Variants in CACNA1E observed in about 807,000 individuals in gnomAD.
The protein encoded by CACNA1E is voltage-dependent R-type calcium channel subunit alpha-1E.
In CACNA1E, 40 loss-of-function variants were observed where a neutral mutation model predicts 259.2. The ratio of observed to expected loss-of-function variants is 0.15; its 90% CI spans 0.12 to 0.20. CACNA1E has a LOEUF of 0.20. Among genes scored for constraint, CACNA1E ranks in the 10% least tolerant of loss-of-function variants. CACNA1E has a pLI of 1.00. For synonymous variants in CACNA1E, 1,104 were observed against 1,138.5 expected, an observed-to-expected ratio of 0.97 and a Z score of 0.61; for missense variants, 1,874 against 3,040.1, an observed-to-expected ratio of 0.62 and a Z score of 9.02.
chr1:181,478,473 T>G (rs1663009330), intron 2 of CACNA1E, among the ~76,000 whole-genome samples: 1 of 152,264 alleles, frequency 6.6e-6, no homozygotes, highest in Admixed American at 6.5e-5. Context: ...GCACATGGTC[T>G]CCTGCCAACT....
At chr1:181,339,160 A>G (rs1336665375) in intron 1 of CACNA1E, among the ~76,000 whole-genome samples, 1 of 152,160 alleles carries the variant, frequency 6.6e-6, no homozygotes, top group African/African-American at 2.4e-5. Context: ...ATATGATTCC[A>G]TACAGATTTT....
In CACNA1E at chr1:181,733,574, G is replaced by A. The variant is rs772739388; in HGVS notation, c.3086G>A (p.Ser1029Asn). Residue 1029 changes from serine to asparagine, a missense_variant, in exon 21 of 48, where the codon AGC becomes AAC. By Grantham distance (46) the Ser-to-Asn change is conservative. Transcript: ENST00000367573. ...CTGACGGAGCAGGAGCCAGAAGGCA[G>A]CAGTGAGCAGGCCCTGCTGGGGAAT... is the stretch of plus-strand genomic sequence containing the variant. ...VVLTEQEPEG[S>N]SEQALLGNVQ... The A allele has an allele frequency of 9.3e-6, 15 of 1,613,044 alleles. No individual in the cohort carries two copies. Among genetic ancestry groups the A allele is most frequent in the Non-Finnish European group, 1.3e-5 (15 of 1,179,496 alleles).
At chr1:181,600,114 C>A (rs111678346) in intron 6 of CACNA1E, among the ~76,000 whole-genome samples, 1 of 152,144 alleles carries the variant, frequency 6.6e-6, no homozygotes, top group African/African-American at 2.4e-5. Context: ...GAGCAGAAAT[C>A]TGCAGAAGTG....
intron 3 of CACNA1E, among the ~76,000 whole-genome samples, chr1:181,562,089 G>C (rs1248067230): frequency 6.6e-6 from 1 of 151,878 alleles, no homozygotes. Context: ...TAATTAGGTT[G>C]CTTGTTTTAT....
chr1:181,717,722 G>C (rs966410732), intron 11 of CACNA1E, among the ~76,000 whole-genome samples: 2 of 152,134 alleles, frequency 1.3e-5, no homozygotes, highest in Admixed American at 6.5e-5. Flanking sequence ...TCAGGGGCCT[G>C]TCCCTGCCAG....
chr1:181,405,628 C>T (rs774770037), intron 1 of CACNA1E, among the ~76,000 whole-genome samples: 10 of 152,186 alleles, frequency 6.6e-5, no homozygotes, highest in South Asian at 2.1e-4. Flanking sequence ...TTCTTTCCTC[C>T]GTACCTGTTT....
At chr1:181,412,649 C>G (rs1372628858) in intron 1 of CACNA1E, among the ~76,000 whole-genome samples, 1 of 151,852 alleles carries the variant, frequency 6.6e-6, no homozygotes, top group Admixed American at 6.6e-5. Context: ...TGGTGGCAAT[C>G]CCCCCAGAGT....
intron 7 of CACNA1E, among the ~76,000 whole-genome samples, chr1:181,695,808 A>C (rs1558276112): frequency 6.6e-6 from 1 of 152,006 alleles, no homozygotes; most frequent in Non-Finnish European, 1.5e-5. Context: ...TACAAAAATA[A>C]CCCAGGTGTG....
intron 6 of CACNA1E, among the ~76,000 whole-genome samples, chr1:181,619,518 A>G (rs1434372642): frequency 6.6e-6 from 1 of 152,174 alleles, no homozygotes; most frequent in Non-Finnish European, 1.5e-5. Context: ...AGCTTCAAAG[A>G]GGTCAGTGAC....
chr1:181,577,395 TA>T (rs1225851883), intron 3 of CACNA1E, among the ~76,000 whole-genome samples: 1 of 151,888 alleles, frequency 6.6e-6, no homozygotes, highest in Admixed American at 6.6e-5. Context: ...AATTTTGAAA[TA>T]AAAAAATACA....
chr1:181,515,183 T>C (rs1368638803), intron 3 of CACNA1E, among the ~76,000 whole-genome samples: 1 of 152,010 alleles, frequency 6.6e-6, no homozygotes, highest in African/African-American at 2.4e-5. Context: ...CTCAGGGAGG[T>C]ATGATCAGGC....
intron 3 of CACNA1E, among the ~76,000 whole-genome samples, chr1:181,552,146 T>C (rs1436827239): frequency 6.6e-6 from 1 of 152,206 alleles, no homozygotes; most frequent in African/African-American, 2.4e-5. Context: ...ACCACAGTAC[T>C]CGACTGGTCT....
intron 3 of CACNA1E, among the ~76,000 whole-genome samples, chr1:181,551,794 G>A (rs1648190979): frequency 6.6e-6 from 1 of 152,028 alleles, no homozygotes; most frequent in South Asian, 2.1e-4. Context: ...TCACTACCGG[G>A]CAAGGCACAC....
intron 1 of CACNA1E, among the ~76,000 whole-genome samples, chr1:181,348,548 C>T (rs557760135): frequency 1.3e-5 from 2 of 152,206 alleles, no homozygotes; most frequent in South Asian, 4.2e-4. Flanking sequence ...TCTCATTAAC[C>T]ATTGCTGTGC....
chr1:181,335,076 A>G (rs1028306411), intron 1 of CACNA1E, among the ~76,000 whole-genome samples: 1 of 152,108 alleles, frequency 6.6e-6, no homozygotes, highest in Non-Finnish European at 1.5e-5. Context: ...AGGTTTCTGT[A>G]TGGCTTGCCC....
intron 7 of CACNA1E, among the ~76,000 whole-genome samples, chr1:181,691,204 G>GTA (rs985592259): frequency 2.4e-4 from 36 of 151,172 alleles, no homozygotes; most frequent in African/African-American, 3.2e-4. Flanking sequence ...ATATATATGT[G>GTA]TATATATATA....
At chr1:181,431,099 G>GA (rs1177581871) in intron 2 of CACNA1E, among the ~76,000 whole-genome samples, 3 of 150,140 alleles carry the variant, frequency 2.0e-5, no homozygotes, top group Non-Finnish European at 4.4e-5. Context: ...TTTTTTTTAG[G>GA]AAAAATGTTT....
intron 38 of CACNA1E, among the ~76,000 whole-genome samples, chr1:181,778,827 A>G (rs1660178092): frequency 6.6e-6 from 1 of 152,188 alleles, no homozygotes; most frequent in African/African-American, 2.4e-5. Flanking sequence ...CCTACTGAGT[A>G]AAGAAGACTT....
At chr1:181,720,144 T>C in intron 13 of CACNA1E, 62 bp from the exon 14 acceptor site, 2 of 1,599,044 alleles carry the variant, frequency 1.3e-6, no homozygotes, top group Non-Finnish European at 1.7e-6. Flanking sequence ...TATGCTGAGC[T>C]GGGCTTGGTG....
Sources: gnomAD v4.1 joint callset for allele counts (sites outside exome capture counted in the v4.1 genomes callset) on GRCh38, gnomAD v4.1.1 for gene constraint, MANE v1.5 for transcripts, NCBI Gene and HGNC (gene_info 2026-07-23, HGNC 2026-07-21) for gene names.